CSMD3: variants seen among roughly 807,000 people sequenced by gnomAD.
The protein encoded by CSMD3 is CUB and Sushi multiple domains 3, also known as CUB and sushi domain-containing protein 3.
In CSMD3, 177 loss-of-function variants were observed where a neutral mutation model predicts 435.2. The ratio of observed to expected loss-of-function variants is 0.41; its 90% CI spans 0.36 to 0.46. CSMD3 has a LOEUF of 0.46. Among genes scored for constraint, CSMD3 ranks in the 20% least tolerant of loss-of-function variants. The probability of loss-of-function intolerance (pLI) is 0.34; values close to 1 mark genes in which losing one functional copy is unlikely to be tolerated. For missense variants in CSMD3, 4,265 were observed against 4,504.6 expected (o/e 0.95, Z 1.52); for synonymous variants, 1,656 against 1,520.5 (o/e 1.09, Z -2.07).
intron 12 of CSMD3, among the ~76,000 whole-genome samples, chr8:112,818,018 AT>A (rs1407774578): frequency 6.6e-6 from 1 of 151,392 alleles, no homozygotes; most frequent in Admixed American, 6.6e-5. Context: ...TATAATTAAT[AT>A]TTTTTTATGC....
intron 6 of CSMD3, among the ~76,000 whole-genome samples, chr8:112,981,985 A>G (rs889329070): frequency 1.3e-5 from 2 of 151,878 alleles, no homozygotes; most frequent in Admixed American, 6.6e-5. Context: ...AAAAAATATA[A>G]TAAGAGTGTG....
At chr8:113,344,100 TGAA>T (rs1385798140) in intron 1 of CSMD3, among the ~76,000 whole-genome samples, 11 of 152,142 alleles carry the variant, frequency 7.2e-5, no homozygotes, top group Admixed American at 2.6e-4. Context: ...TCTAGGAGTG[TGAA>T]GAAGAACATT....
intron 5 of CSMD3, among the ~76,000 whole-genome samples, chr8:113,075,508 G>C (rs2089300615): frequency 6.6e-6 from 1 of 151,722 alleles, no homozygotes; most frequent in South Asian, 2.1e-4. Context: ...CATCCTAAAT[G>C]TTAAACTTTT....
chr8:112,570,708 T>C (rs1829431411), intron 24 of CSMD3, among the ~76,000 whole-genome samples: 2 of 152,144 alleles, frequency 1.3e-5, no homozygotes, highest in Admixed American at 6.5e-5. Context: ...CAAATACACT[T>C]AAAAACAGAT....
At chr8:113,028,104 A>T (rs960340211) in intron 5 of CSMD3, among the ~76,000 whole-genome samples, 8 of 152,070 alleles carry the variant, frequency 5.3e-5, no homozygotes, top group Admixed American at 5.2e-4. Context: ...TTTTCCAATA[A>T]CATATTGTCA....
chr8:112,435,493 C>T (rs930413030), intron 32 of CSMD3, among the ~76,000 whole-genome samples: 1 of 151,904 alleles, frequency 6.6e-6, no homozygotes. Context: ...TGATGTATGC[C>T]AAAACTGAAA....
At chr8:112,408,207 A>T (rs1832028962) in intron 34 of CSMD3, 111 bp downstream of exon 34, 1 of 804,036 alleles carries the variant, frequency 1.2e-6, no homozygotes, top group Non-Finnish European at 2.2e-6. Context: ...ACAAAATAAA[A>T]CTGCTTAAAA....
intron 13 of CSMD3, among the ~76,000 whole-genome samples, chr8:112,782,588 A>G (rs2078418803): frequency 6.6e-6 from 1 of 152,126 alleles, no homozygotes; most frequent in Non-Finnish European, 1.5e-5. Context: ...TTCAAGTGCT[A>G]GAAGGTTATA....
At chr8:112,691,321 CT>C (rs2076132847) in intron 13 of CSMD3, among the ~76,000 whole-genome samples, 1 of 151,898 alleles carries the variant, frequency 6.6e-6, no homozygotes, top group African/African-American at 2.4e-5. Context: ...CTTTTTTCTT[CT>C]GCTCTTCATA....
At chr8:112,430,650 G>A (rs994615681) in intron 32 of CSMD3, among the ~76,000 whole-genome samples, 2 of 151,898 alleles carry the variant, frequency 1.3e-5, no homozygotes, top group Non-Finnish European at 2.9e-5. Flanking sequence ...ATATTAAGAG[G>A]TATAGTAAAC....
intron 10 of CSMD3, among the ~76,000 whole-genome samples, chr8:112,887,494 ATT>A (rs1388026577): frequency 6.6e-6 from 1 of 151,338 alleles, no homozygotes; most frequent in Non-Finnish European, 1.5e-5. Flanking sequence ...GTAGTATGTG[ATT>A]TTTTTCATGT....
At chr8:112,924,089 A>G (rs1299909895) in intron 9 of CSMD3, among the ~76,000 whole-genome samples, 1 of 152,188 alleles carries the variant, frequency 6.6e-6, no homozygotes, top group Non-Finnish European at 1.5e-5. Flanking sequence ...GATTGGTTAC[A>G]ACTTTCTAGG....
chr8:112,524,703 A>G (rs186539643), intron 27 of CSMD3, among the ~76,000 whole-genome samples: 1 of 152,152 alleles, frequency 6.6e-6, no homozygotes, highest in African/African-American at 2.4e-5. Flanking sequence ...TAAAATATGT[A>G]TTGAGTAACA....
intron 12 of CSMD3, among the ~76,000 whole-genome samples, chr8:112,812,347 C>A (rs1587367517): frequency 6.6e-6 from 1 of 152,272 alleles, no homozygotes; most frequent in Non-Finnish European, 1.5e-5. Flanking sequence ...GCATGTGGCC[C>A]ATCCCAAGTG....
intron 22 of CSMD3, among the ~76,000 whole-genome samples, chr8:112,625,339 T>C (rs1230915156): frequency 6.6e-6 from 1 of 151,302 alleles, no homozygotes; most frequent in Non-Finnish European, 1.5e-5. Context: ...TGAGAAATCA[T>C]ATTATATTAT....
intron 1 of CSMD3, among the ~76,000 whole-genome samples, chr8:113,425,210 C>T (rs1001558120): frequency 6.6e-6 from 1 of 151,370 alleles, no homozygotes; most frequent in East Asian, 1.9e-4. Context: ...TTATGTCAAT[C>T]CCATAATATT....
At chr8:112,832,774 CTG>C (rs1338350981) in intron 11 of CSMD3, among the ~76,000 whole-genome samples, 1 of 152,114 alleles carries the variant, frequency 6.6e-6, no homozygotes, top group African/African-American at 2.4e-5. Flanking sequence ...CCTGTGGAAA[CTG>C]TGAGATAAAA....
intron 22 of CSMD3, among the ~76,000 whole-genome samples, chr8:112,609,201 C>CAAAAAAAAAAAAAAAAAA (rs71566035): frequency 4.2e-4 from 18 of 43,086 alleles, no homozygotes; most frequent in East Asian, 1.3e-3. Flanking sequence ...GATACTGCCT[C>CAAAAAAAAAAAAAAAAAA]AAAAAAAAAA....
At chr8:113,279,770 A>G (rs1030077834) in intron 2 of CSMD3, among the ~76,000 whole-genome samples, 6 of 151,800 alleles carry the variant, frequency 4.0e-5, no homozygotes, top group Non-Finnish European at 8.9e-5. Flanking sequence ...TAATTGATTT[A>G]AAAATAAACT....
Sources: allele counts gnomAD v4.1 joint callset (sites outside exome capture counted in the v4.1 genomes callset), GRCh38; gene constraint gnomAD v4.1.1; transcripts MANE v1.5; gene names NCBI Gene and HGNC (gene_info 2026-07-23, HGNC 2026-07-21).